The following RNPC3 variants were observed in gnomAD, a reference collection of about 807,000 sequenced individuals.
RNPC3 encodes RNA binding region (RNP1, RRM) containing 3, also known as RNA-binding region-containing protein 3.
Under a neutral mutation model 67.5 loss-of-function variants are expected in RNPC3, and 48 were observed. The ratio of observed to expected loss-of-function variants is 0.71; its 90% CI spans 0.56 to 0.90. The LOEUF is 0.90. Among genes scored for constraint, RNPC3 ranks in the 40% least tolerant of loss-of-function variants. RNPC3 has a pLI of 0.00. For synonymous variants in RNPC3, 239 were observed against 210.3 expected (o/e 1.14, Z -1.18); for missense variants, 637 against 626.1 (o/e 1.02, Z -0.19).
Position 103,533,112 on chromosome 1 carries a change from A to C in RNPC3, c.241-627A>C, listed in dbSNP as rs147886647. ...CTAAGTAAAGACCCTTGAGGAGATG[A>C]GAGGATGGAATTTAGTATATAAGTT... On this transcript the variant is annotated intron_variant, in intron 2 of 14. Coordinates refer to ENST00000423855, the MANE Select transcript of RNPC3 (RefSeq NM_017619.4). Among the ~76,000 whole-genome samples the C allele has an allele frequency of 5.0e-3, 753 of 152,118 alleles. 24 individuals carry two copies. The East Asian group carries it at 0.078, about 16-fold the overall frequency.
intron 3 of RNPC3, 122 bp from the exon 4 acceptor site, chr1:103,534,649 GTTT>G (rs36141069): frequency 4.5e-4 from 230 of 514,592 alleles, no homozygotes; most frequent in East Asian, 6.5e-4. Context: ...ATACTTGAAA[GTTT>G]TTTTTTTTTT....
chr1:103,552,333 G>C (rs1000912995), intron 14 of RNPC3: 1 of 152,072 alleles, frequency 6.6e-6, no homozygotes, highest in Non-Finnish European at 1.5e-5. Flanking sequence ...TTCAGGTAAT[G>C]ATGAGGCATC....
rs1651161041 is a variant in RNPC3, at chr1:103,543,015, C to A, written c.894-281C>A. 2.6e-5 allele frequency among the ~76,000 whole-genome samples: 4 copies of A among 151,748 alleles called. No individual in the cohort carries two copies. The South Asian group carries it at 8.3e-4, about 31-fold the overall frequency. On this transcript the variant is annotated intron_variant, in intron 8 of 14. Transcript: ENST00000423855. The stretch of plus-strand genomic sequence containing the variant: ...CCTGGTGTTTAGAATCAAGAGTCAT[C>A]AAATCCCTTCTCTGTCATTTACAGA...
chr1:103,537,834 TTTATTA>T (rs911693249), intron 7 of RNPC3, among the ~76,000 whole-genome samples: 5 of 151,504 alleles, frequency 3.3e-5, no homozygotes, highest in Non-Finnish European at 5.9e-5. Flanking sequence ...GTGCTTTTTA[TTTATTA>T]TTATTATTAT....
chr1:103,545,711 A>G (rs533387900), intron 10 of RNPC3: 1 of 152,544 alleles, frequency 6.6e-6, no homozygotes, highest in East Asian at 1.9e-4. Flanking sequence ...GAGAGGAGCT[A>G]TACAAGGGTT....
chr1:103,541,906 A>G (rs893799036), intron 8 of RNPC3, among the ~76,000 whole-genome samples: 2 of 152,022 alleles, frequency 1.3e-5, no homozygotes, highest in African/African-American at 4.8e-5. Context: ...TCTTAACTCC[A>G]TCACCTGATA....
chr1:103,543,214 A>C lies in RNPC3; in HGVS notation c.894-82A>C, dbSNP rs1651166471. ...GTCCTTTATCAGTGTTAACTTTTAA[A>C]ATTTAAAATAAACTTGAAATAATAT... On this transcript the variant is annotated intron_variant, in intron 8 of 14. Transcript: ENST00000423855. 7.5e-6 allele frequency: 8 copies of C among 1,070,796 alleles called. No individual in the cohort carries two copies. In the East Asian group the frequency reaches 2.4e-4, roughly 33 times the overall value. The allele number at this position is 1,070,796 out of a possible 1,614,324, so 66.3% of individuals were successfully genotyped here. A position where few individuals can be genotyped will look rare whatever the true frequency, so the allele number is the denominator to read the frequency against.
chr1:103,541,339 C>T lies in RNPC3; in HGVS notation c.768-11C>T, dbSNP rs1422968886. On this transcript the variant is annotated splice_polypyrimidine_tract_variant and intron_variant, in intron 7 of 14. Coordinates refer to ENST00000423855, the MANE Select transcript of RNPC3 (RefSeq NM_017619.4). ...AGGAAATTTTGTTTATCATCCCTCT[C>T]CTCATTGTAGAATGAACAAATTAAT... 2.5e-5 allele frequency: 37 copies of T among 1,501,046 alleles called. No homozygotes were observed. Among genetic ancestry groups the T allele is most frequent in the Non-Finnish European group, 3.0e-5 (34 of 1,134,004 alleles). The allele number at this position is 1,501,046 out of a possible 1,614,324, so 93.0% of individuals were successfully genotyped here.
At chr1:103,536,841 A>C (rs1320181670) in intron 6 of RNPC3, among the ~76,000 whole-genome samples, 1 of 152,140 alleles carries the variant, frequency 6.6e-6, no homozygotes. Context: ...GAATTAGTTA[A>C]GGTTATACTA....
At chr1:103,534,887 T>A (rs893948339) in intron 4 of RNPC3, 30 bp downstream of exon 4, 120 of 1,386,196 alleles carry the variant, frequency 8.7e-5, no homozygotes, top group Admixed American at 7.8e-4. Flanking sequence ...TTTCTTTTGC[T>A]TTTGTTCTGT....
In RNPC3 at chr1:103,534,783, C is replaced by A. The variant is rs781367732; in HGVS notation, c.369C>A (p.Asp123Glu). 14 of 1,524,896 alleles carry A rather than the reference C, an allele frequency of 9.2e-6. No homozygotes were observed. Among genetic ancestry groups the A allele is most frequent in the Non-Finnish European group, 1.2e-5 (14 of 1,139,286 alleles). 94.5% of individuals were successfully genotyped at this position (1,524,896 alleles called of 1,614,324 possible). A position where few individuals can be genotyped will look rare whatever the true frequency, so the allele number is the denominator to read the frequency against. The change falls in exon 4 of 15, where the codon GAC becomes GAA. Residue 123 changes from aspartate to glutamate, a missense_variant. This residue lies in a region of RNPC3 where 536 missense variants were observed against 500.3 expected (regional missense o/e 1.07). Coordinates refer to ENST00000423855, the MANE Select transcript of RNPC3 (RefSeq NM_017619.4). Reference protein sequence around the residue: ...SGSEKKKRSDDPVEDDKEKKE... With the variant: ...SGSEKKKRSDEPVEDDKEKKE... ...ATTCTGTATGTCCCAGGTCTGATGA[C>A]CCTGTCGAAGATGATAAAGAAAAAA...
chr1:103,542,229 A>T (rs1651139710), intron 8 of RNPC3, among the ~76,000 whole-genome samples: 1 of 152,006 alleles, frequency 6.6e-6, no homozygotes, highest in Admixed American at 6.6e-5. Flanking sequence ...CCAGTTGAGA[A>T]ATTTGAAAAG....
intron 8 of RNPC3, 122 bp from the exon 9 acceptor site, chr1:103,543,174 T>C: frequency 3.3e-6 from 2 of 612,760 alleles, no homozygotes; most frequent in Non-Finnish European, 4.9e-6. Context: ...TTATTGAATA[T>C]CAAAAGTGTA....
intron 2 of RNPC3, among the ~76,000 whole-genome samples, chr1:103,532,488 C>T (rs1479481783): frequency 6.6e-6 from 1 of 152,016 alleles, no homozygotes; most frequent in Non-Finnish European, 1.5e-5. Flanking sequence ...GACTTCAGGA[C>T]AGAAGTCTGT....
At chr1:103,539,832 C>G (rs1651078775) in intron 7 of RNPC3, among the ~76,000 whole-genome samples, 1 of 152,142 alleles carries the variant, frequency 6.6e-6, no homozygotes, top group East Asian at 1.9e-4. Context: ...CCACATATGG[C>G]TGGCTTAGTG....
intron 7 of RNPC3, 23 bp downstream of exon 7, chr1:103,537,507 T>G: frequency 6.6e-7 from 1 of 1,525,376 alleles, no homozygotes; most frequent in Non-Finnish European, 8.8e-7. Context: ...AAAAATTTGT[T>G]TAGTTTCCAA....
chr1:103,527,102 A>G (rs1360869106), intron 1 of RNPC3, among the ~76,000 whole-genome samples: 1 of 152,218 alleles, frequency 6.6e-6, no homozygotes, highest in Non-Finnish European at 1.5e-5. Flanking sequence ...AATGTGCGAT[A>G]TAATTATTAA....
intron 14 of RNPC3, chr1:103,554,067 A>G (rs1361013378): frequency 1.3e-5 from 2 of 152,176 alleles, no homozygotes; most frequent in Non-Finnish European, 2.9e-5. Context: ...TTAAATACTA[A>G]TTTTAAAAGG....
At position 103,546,792 on chromosome 1, in the gene RNPC3, C is replaced by T. The variant is rs1295530143; in HGVS notation, c.1303-185C>T. 6.3e-6 allele frequency: 3 copies of T among 479,320 alleles called. No homozygotes were observed. The East Asian group carries it at 1.0e-4, about 16-fold the overall frequency. The allele number at this position is 479,320 out of a possible 1,614,324, so 29.7% of individuals were successfully genotyped here. A position where few individuals can be genotyped will look rare whatever the true frequency, so the allele number is the denominator to read the frequency against. ...CATCACCACAATTTCTGCCTTTGTACATAGCATACTCCCTTTGTGAGTATC... is the reference window on the plus strand; with the variant it reads ...CATCACCACAATTTCTGCCTTTGTATATAGCATACTCCCTTTGTGAGTATC... On this transcript the variant is annotated intron_variant, in intron 11 of 14. Coordinates refer to ENST00000423855, the MANE Select transcript of RNPC3 (RefSeq NM_017619.4).
Sources: gnomAD v4.1 joint callset for allele counts (sites outside exome capture counted in the v4.1 genomes callset) on GRCh38, gnomAD v4.1.1 for gene constraint, gnomAD v4.1.1 regional missense constraint, MANE v1.5 for transcripts, NCBI Gene and HGNC (gene_info 2026-07-23, HGNC 2026-07-21) for gene names.